SEPTIN2: variants seen among roughly 807,000 people sequenced by gnomAD.
SEPTIN2 encodes septin-2.
SEPTIN2 carries 34 observed loss-of-function variants against 46.5 expected under a neutral mutation model. That is an observed-to-expected ratio of 0.73 (90% confidence interval 0.56 to 0.97). The LOEUF is 0.97. Among genes scored for constraint, SEPTIN2 ranks in the 50% least tolerant of loss-of-function variants. The pLI, the probability that SEPTIN2 is intolerant of heterozygous loss-of-function variation, is 0.00. For synonymous variants in SEPTIN2, 175 were observed against 153.4 expected (o/e 1.14, Z -1.04); for missense variants, 347 against 448.4 (o/e 0.77, Z 2.04).
intron 5 of SEPTIN2, chr2:241,336,529 C>T (rs76964411): frequency 0.035 from 5,663 of 163,238 alleles, 608 homozygotes; most frequent in Admixed American, 0.2. Flanking sequence ...TCACCTGTAC[C>T]GTGCAAAGAA....
intron 12 of SEPTIN2, among the ~76,000 whole-genome samples, chr2:241,350,673 A>G (rs1217604078): frequency 1.3e-5 from 2 of 152,174 alleles, no homozygotes; most frequent in African/African-American, 4.8e-5. Flanking sequence ...GGTTCCCTGG[A>G]TGGTGACTGC....
intron 6 of SEPTIN2, 64 bp from the exon 7 acceptor site, chr2:241,337,609 T>C: frequency 6.3e-7 from 1 of 1,579,026 alleles, no homozygotes; most frequent in South Asian, 1.1e-5. Context: ...TTAAGATAAT[T>C]TGAGAGAGAA....
At chr2:241,323,305 G>T (rs996838414) in intron 1 of SEPTIN2, among the ~76,000 whole-genome samples, 7 of 152,072 alleles carry the variant, frequency 4.6e-5, no homozygotes, top group Admixed American at 4.6e-4. Flanking sequence ...TGAGTAGCTG[G>T]GATCACAGGC....
intron 1 of SEPTIN2, among the ~76,000 whole-genome samples, chr2:241,322,096 A>G (rs537716804): frequency 6.6e-6 from 1 of 152,172 alleles, no homozygotes; most frequent in Non-Finnish European, 1.5e-5. Flanking sequence ...GAACATTTCC[A>G]GTCAAAAGGG....
Position 241,343,844 on chromosome 2 carries a change from G to A in SEPTIN2, c.789G>A (p.Val263=), listed in dbSNP as rs759222856. The part of the protein sequence containing the change: ...VRGRLYPWGV[V]EVENPEHNDF... Reference sequence around the variant, plus strand: ...GCCGCCTCTACCCCTGGGGTGTTGTGGAAGTGGAGAACCCAGAGCACAATG... The same window carrying A: ...GCCGCCTCTACCCCTGGGGTGTTGTAGAAGTGGAGAACCCAGAGCACAATG... The change falls in exon 9 of 13, where the codon GTG becomes GTA. Residue 263 remains valine (V), a synonymous_variant. Coordinates refer to ENST00000391971, the MANE Select transcript of SEPTIN2 (RefSeq NM_004404.5). 7 of 1,614,076 alleles carry A rather than the reference G, an allele frequency of 4.3e-6. No individual in the cohort carries two copies. In the Admixed American group the frequency reaches 1.0e-4, roughly 23 times the overall value.
rs2079742703 is a variant in SEPTIN2 at position 241,335,224 on chromosome 2, CTTA to C, written c.217+14_217+16del. Reference sequence around the variant, plus strand: ...ACCTGGAGCAGCAGGTAAAAACATTCTTATGTTACTGTAAGTGTAATTCTACAT... The same window carrying C: ...ACCTGGAGCAGCAGGTAAAAACATTCTGTTACTGTAAGTGTAATTCTACAT... On this transcript the variant is annotated intron_variant, in intron 4 of 12. Coordinates refer to ENST00000391971, the MANE Select transcript of SEPTIN2 (RefSeq NM_004404.5). 6.2e-7 allele frequency: 1 copy of C among 1,610,108 alleles called. No homozygotes were observed. Among genetic ancestry groups the C allele is most frequent in the Non-Finnish European group, 8.5e-7 (1 of 1,177,272 alleles).
chr2:241,350,793 C>G (rs923382836), intron 12 of SEPTIN2, among the ~76,000 whole-genome samples: 4 of 152,022 alleles, frequency 2.6e-5, no homozygotes, highest in Non-Finnish European at 4.4e-5. Flanking sequence ...CTGCAGACTC[C>G]AGAGACTCAG....
intron 7 of SEPTIN2, among the ~76,000 whole-genome samples, chr2:241,341,299 A>T (rs559032424): frequency 2.6e-5 from 4 of 152,264 alleles, no homozygotes; most frequent in Admixed American, 2.0e-4. Context: ...GTCTCTTTAA[A>T]TGGTCCCACA....
At chr2:241,318,387 C>G (rs1411424761) in intron 1 of SEPTIN2, 1 of 152,176 alleles carries the variant, frequency 6.6e-6, no homozygotes, top group Non-Finnish European at 1.5e-5. Context: ...GGCATTTAAT[C>G]TTTCCATGTG....
intron 7 of SEPTIN2, among the ~76,000 whole-genome samples, chr2:241,339,469 G>A (rs1361569851): frequency 6.6e-6 from 1 of 152,024 alleles, no homozygotes; most frequent in Non-Finnish European, 1.5e-5. Context: ...TGGTTTTGCA[G>A]AATGAAATCA....
At chr2:241,338,052 A>C (rs1258379365) in intron 7 of SEPTIN2, among the ~76,000 whole-genome samples, 2 of 152,208 alleles carry the variant, frequency 1.3e-5, no homozygotes, top group Non-Finnish European at 2.9e-5. Context: ...TTGGTTACAC[A>C]CAAGTACCTT....
At chr2:241,338,232 C>T (rs538649120) in intron 7 of SEPTIN2, among the ~76,000 whole-genome samples, 40 of 152,262 alleles carry the variant, frequency 2.6e-4, no homozygotes, top group South Asian at 8.3e-4. Context: ...GCCTCTCACC[C>T]GCCAGCAGCT....
At chr2:241,344,441 G>C (rs1329144086) in intron 9 of SEPTIN2, among the ~76,000 whole-genome samples, 1 of 152,236 alleles carries the variant, frequency 6.6e-6, no homozygotes, top group Non-Finnish European at 1.5e-5. Flanking sequence ...GCTCACACCT[G>C]TAATCCCAGC....
intron 1 of SEPTIN2, among the ~76,000 whole-genome samples, chr2:241,321,485 A>C (rs945019189): frequency 6.6e-6 from 1 of 151,462 alleles, no homozygotes; most frequent in Admixed American, 6.6e-5. Flanking sequence ...CTAGCCTGCT[A>C]TTTTTTACCT....
chr2:241,330,788 T>G (rs560163645), intron 3 of SEPTIN2, among the ~76,000 whole-genome samples: 1 of 152,352 alleles, frequency 6.6e-6, no homozygotes, highest in African/African-American at 2.4e-5. Flanking sequence ...GATGCAACAT[T>G]CAAAGTCATT....
chr2:241,348,800 CTG>C (rs1418812472), intron 11 of SEPTIN2, among the ~76,000 whole-genome samples: 1 of 152,058 alleles, frequency 6.6e-6, no homozygotes, highest in Non-Finnish European at 1.5e-5. Flanking sequence ...GAAATATGCT[CTG>C]TTGTAAAGGT....
intron 7 of SEPTIN2, among the ~76,000 whole-genome samples, chr2:241,341,996 C>G (rs2081311575): frequency 6.6e-6 from 1 of 152,190 alleles, no homozygotes; most frequent in Admixed American, 6.5e-5. Flanking sequence ...CAAGCCCCAT[C>G]CCCCACACTA....
chr2:241,317,650 T>G (rs555102217), intron 1 of SEPTIN2: 1 of 724,038 alleles, frequency 1.4e-6, no homozygotes, highest in African/African-American at 1.9e-5. Context: ...ATGCCACTTA[T>G]CCCTGCCCCA....
chr2:241,316,425 T>G, intron 1 of SEPTIN2: 2 of 1,210,044 alleles, frequency 1.7e-6, no homozygotes, highest in Non-Finnish European at 2.2e-6. Context: ...CCCTGAGGCG[T>G]GGAGGACTGG....
Sources: allele counts gnomAD v4.1 joint callset (sites outside exome capture counted in the v4.1 genomes callset), GRCh38; gene constraint gnomAD v4.1.1; transcripts MANE v1.5; gene names NCBI Gene and HGNC (gene_info 2026-07-23, HGNC 2026-07-21).